Variants in HSD17B11 observed in about 807,000 individuals in gnomAD.
HSD17B11 encodes estradiol 17-beta-dehydrogenase 11.
Under a neutral mutation model 27.8 loss-of-function variants are expected in HSD17B11, and 22 were observed. That is an observed-to-expected ratio of 0.79 (90% CI 0.56 to 1.13). HSD17B11 has a LOEUF of 1.13. HSD17B11 is among the 50% of genes most tolerant of loss of function. The probability of loss-of-function intolerance (pLI) is 0.00; values close to 1 mark genes in which losing one functional copy is unlikely to be tolerated. For missense variants in HSD17B11, 314 were observed against 351.1 expected, an observed-to-expected ratio of 0.89 and a Z score of 0.84; for synonymous variants, 117 against 132.8, an observed-to-expected ratio of 0.88 and a Z score of 0.82.
chr4:87,361,896 C>A (rs1468647167), intron 4 of HSD17B11, among the ~76,000 whole-genome samples: 1 of 152,186 alleles, frequency 6.6e-6, no homozygotes, highest in African/African-American at 2.4e-5. Context: ...CTGGCAACCA[C>A]GAAGGGACTA....
At chr4:87,385,163 G>T (rs139586039) in intron 1 of HSD17B11, among the ~76,000 whole-genome samples, 25 of 152,180 alleles carry the variant, frequency 1.6e-4, no homozygotes, top group Middle Eastern at 3.4e-3. Flanking sequence ...ACTTTATTTT[G>T]CTCTCCTATA....
chr4:87,343,547 C>CTTTTT (rs11369073), intron 5 of HSD17B11, among the ~76,000 whole-genome samples: 1 of 125,538 alleles, frequency 8.0e-6, no homozygotes, highest in Non-Finnish European at 1.6e-5. Context: ...CATTTCAACT[C>CTTTTT]TTTTTTTTTT....
chr4:87,390,845 T>G lies in HSD17B11; in HGVS notation c.210+16A>C. Reference sequence around the variant, plus strand: ...ATTAAAGGTACCAGAAAGTAAAACATAGTAAACACTGTTACCTTATTTATA... The same window carrying G: ...ATTAAAGGTACCAGAAAGTAAAACAGAGTAAACACTGTTACCTTATTTATA... On this transcript the variant is annotated intron_variant, in intron 1 of 6. Coordinates refer to ENST00000358290, the MANE Select transcript of HSD17B11 (RefSeq NM_016245.5). 6.2e-7 allele frequency: 1 copy of G among 1,608,392 alleles called. No homozygotes were observed. The highest frequency in any genetic ancestry group is 8.5e-7 in the Non-Finnish European group (1 of 1,174,852).
At chr4:87,389,473 C>T (rs1578050189) in intron 1 of HSD17B11, among the ~76,000 whole-genome samples, 1 of 152,318 alleles carries the variant, frequency 6.6e-6, no homozygotes, top group South Asian at 2.1e-4. Context: ...ATCTGCCCGC[C>T]TCGGCCTCCA....
At position 87,382,256 on chromosome 4, in the gene HSD17B11, T is replaced by A. The variant is rs1720192164; in HGVS notation, c.317A>T (p.Lys106Met). Residue 106 changes from lysine (K) to methionine (M), a missense_variant and splice_region_variant, in exon 2 of 7, where the codon AAG becomes ATG. Transcript: ENST00000358290. ...NREDIYSSAKKVKAEIGDVSI... is the reference protein window; with the variant it reads ...NREDIYSSAKMVKAEIGDVSI... ...TTCTAACTAAACACAACATTTCACC[T>A]TCTTTGCAGAGCTGTAAATATCTTC... The A allele has an allele frequency of 1.9e-6, 3 of 1,609,288 alleles. No individual in the cohort carries two copies. The highest frequency in any genetic ancestry group is 1.7e-6 in the Non-Finnish European group (2 of 1,175,784).
chr4:87,390,204 G>A (rs1720423184), intron 1 of HSD17B11, among the ~76,000 whole-genome samples: 2 of 152,216 alleles, frequency 1.3e-5, no homozygotes, highest in South Asian at 2.1e-4. Flanking sequence ...CGCCCAGGCT[G>A]AAGTGCAGTG....
chr4:87,386,986 C>T (rs1316537923), intron 1 of HSD17B11: 1 of 152,300 alleles, frequency 6.6e-6, no homozygotes, highest in Non-Finnish European at 1.5e-5. Context: ...CCGTTTCCAA[C>T]CTGGCTGGTT....
intron 5 of HSD17B11, among the ~76,000 whole-genome samples, chr4:87,345,486 A>G (rs1313643793): frequency 2.0e-5 from 3 of 152,200 alleles, no homozygotes; most frequent in African/African-American, 7.2e-5. Flanking sequence ...ATTAGAGGAC[A>G]GAAAAACTAC....
At position 87,382,270 on chromosome 4, in the gene HSD17B11, G is replaced by A. The variant is rs1181113550; in HGVS notation, c.303C>T (p.Tyr101=). The A allele has an allele frequency of 6.2e-7, 1 of 1,612,712 alleles. No individual in the cohort carries two copies. The highest frequency in any genetic ancestry group is 1.7e-5 in the Admixed American group (1 of 60,004). ...VVDCSNREDI[Y]SSAKKVKAEI... Reference sequence around the variant, plus strand: ...AACATTTCACCTTCTTTGCAGAGCTGTAAATATCTTCTCGGTTGCTGCAGT... The same window carrying A: ...AACATTTCACCTTCTTTGCAGAGCTATAAATATCTTCTCGGTTGCTGCAGT... The change falls in exon 2 of 7, where the codon TAC becomes TAT. Residue 101 remains tyrosine (Y), a synonymous_variant. Transcript: ENST00000358290.
chr4:87,345,887 C>T (rs1003499773), intron 5 of HSD17B11, among the ~76,000 whole-genome samples: 5 of 152,058 alleles, frequency 3.3e-5, no homozygotes, highest in African/African-American at 9.7e-5. Context: ...GAATTAACAC[C>T]AATCCTTCAA....
intron 4 of HSD17B11, chr4:87,365,949 C>G (rs1017221039): frequency 6.6e-6 from 1 of 152,134 alleles, no homozygotes; most frequent in African/African-American, 2.4e-5. Flanking sequence ...CTCTGCTTCC[C>G]GGGTTCAAGC....
At chr4:87,384,615 T>C (rs1720257934) in intron 1 of HSD17B11, among the ~76,000 whole-genome samples, 1 of 152,004 alleles carries the variant, frequency 6.6e-6, no homozygotes, top group Non-Finnish European at 1.5e-5. Context: ...GGAATGTCCG[T>C]CCTATGTGGT....
At chr4:87,382,068 A>G (rs1720186596) in intron 2 of HSD17B11, among the ~76,000 whole-genome samples, 187 bp downstream of exon 2, 1 of 152,182 alleles carries the variant, frequency 6.6e-6, no homozygotes, top group South Asian at 2.1e-4. Context: ...AAATTCCAGA[A>G]CATACTAATA....
At chr4:87,371,429 A>C (rs960999246) in intron 4 of HSD17B11, among the ~76,000 whole-genome samples, 1 of 152,088 alleles carries the variant, frequency 6.6e-6, no homozygotes, top group African/African-American at 2.4e-5. Context: ...AAGGAAGGAG[A>C]GACTGGTGAT....
intron 4 of HSD17B11, among the ~76,000 whole-genome samples, chr4:87,363,334 A>G (rs768511735): frequency 6.6e-6 from 1 of 152,208 alleles, no homozygotes; most frequent in African/African-American, 2.4e-5. Context: ...TCACCTCTGT[A>G]AAGACTTAAT....
At chr4:87,360,862 C>G (rs1735497669) in intron 4 of HSD17B11, among the ~76,000 whole-genome samples, 1 of 152,076 alleles carries the variant, frequency 6.6e-6, no homozygotes, top group African/African-American at 2.4e-5. Context: ...GCAGTGGTAT[C>G]CCACGCAGAA....
chr4:87,387,314 C>T (rs1183340661), intron 1 of HSD17B11: 1 of 152,244 alleles, frequency 6.6e-6, no homozygotes, highest in African/African-American at 2.4e-5. Flanking sequence ...CCTAAATTAA[C>T]ATATGGTACA....
At chr4:87,378,960 A>ATATATATATATATATT (rs1720051475) in intron 2 of HSD17B11, among the ~76,000 whole-genome samples, 3 of 25,626 alleles carry the variant, frequency 1.2e-4, no homozygotes, top group African/African-American at 9.1e-4. Context: ...ATATATATAT[A>ATATATATATATATATT]TTTTTTTTTT....
intron 4 of HSD17B11, 32 bp downstream of exon 4, chr4:87,372,677 A>C (rs1285407516): frequency 7.6e-7 from 1 of 1,309,636 alleles, no homozygotes; most frequent in Non-Finnish European, 1.1e-6. Flanking sequence ...GGTAGGCATA[A>C]GAACCAATGA....
Sources: gnomAD v4.1 joint callset for allele counts (sites outside exome capture counted in the v4.1 genomes callset) on GRCh38, gnomAD v4.1.1 for gene constraint, MANE v1.5 for transcripts, NCBI Gene and HGNC (gene_info 2026-07-23, HGNC 2026-07-21) for gene names.